Variants in GALNT9 observed in about 807,000 individuals in gnomAD.
GALNT9 encodes polypeptide N-acetylgalactosaminyltransferase 9.
Under a neutral mutation model 63.1 loss-of-function variants are expected in GALNT9, and 47 were observed. That is an observed-to-expected ratio of 0.75 (90% CI 0.59 to 0.95). The LOEUF (loss-of-function observed/expected upper bound fraction) is 0.95, where lower values mean the gene tolerates loss of function less well. GALNT9 is among the 40% of genes least tolerant of loss of function. The pLI is 0.00. For missense variants in GALNT9, 829 were observed against 874.8 expected, an observed-to-expected ratio of 0.95 and a Z score of 0.66; for synonymous variants, 396 against 365.7, an observed-to-expected ratio of 1.08 and a Z score of -0.94.
intron 2 of GALNT9, chr12:132,274,562 A>T (rs28665854): frequency 0.08 from 12,189 of 152,306 alleles, 1,592 homozygotes; most frequent in African/African-American, 0.28. Flanking sequence ...CTCGGGACCC[A>T]GAACTGTAGA....
rs1878097128 is a variant in GALNT9 at position 132,238,764 on chromosome 12, T to A, written c.1077+9146A>T. Among the ~76,000 whole-genome samples the A allele has an allele frequency of 6.6e-6, 1 of 152,206 alleles. No individual in the cohort carries two copies. The highest frequency in any genetic ancestry group is 2.4e-5 in the African/African-American group (1 of 41,454). The stretch of plus-strand genomic sequence containing the variant: ...ACAGCCTGATTCCTCCGCCCCCTCA[T>A]CTGCAGGCCACCCGCCCAGGGACGT... On this transcript the variant is annotated intron_variant, in intron 6 of 10. Coordinates refer to ENST00000328957, the MANE Select transcript of GALNT9 (RefSeq NM_001122636.2). This position sits in a 1 kb window ranked among gnomAD's most constrained non-coding sequence, Gnocchi z 6.5.
intron 2 of GALNT9, chr12:132,277,840 G>A (rs1225976851): frequency 1.3e-5 from 2 of 152,328 alleles, no homozygotes; most frequent in African/African-American, 4.8e-5. Context: ...CTGACGACCT[G>A]GCAGAGACCC....
Position 132,310,218 on chromosome 12 carries a change from C to T in GALNT9, c.238+18748G>A, listed in dbSNP as rs1555245059. Among the ~76,000 whole-genome samples the T allele has an allele frequency of 1.3e-5, 2 of 152,184 alleles. No homozygotes were observed. Among genetic ancestry groups the T allele is most frequent in the South Asian group, 2.1e-4 (1 of 4,836 alleles). On this transcript the variant is annotated intron_variant, in intron 1 of 10. Transcript: ENST00000328957. This position sits in a 1 kb window ranked among gnomAD's most constrained non-coding sequence, Gnocchi z 4.8. Reference sequence around the variant, plus strand: ...GAGCTGGGATTCACGTGGGGCTGGGCTTGTGAGGGTGCCACCAGCCCTCCA... The same window carrying T: ...GAGCTGGGATTCACGTGGGGCTGGGTTTGTGAGGGTGCCACCAGCCCTCCA...
chr12:132,203,449 G>A, intron 7 of GALNT9, 56 bp downstream of exon 7: 3 of 1,568,414 alleles, frequency 1.9e-6, no homozygotes. Context: ...GCCCTGCCGT[G>A]GCATTGACCC....
At chr12:132,325,123 C>T (rs1868982180) in intron 1 of GALNT9, among the ~76,000 whole-genome samples, 1 of 152,234 alleles carries the variant, frequency 6.6e-6, no homozygotes, top group African/African-American at 2.4e-5. Context: ...CTCAGGCCTC[C>T]CTGGGGGACA....
At chr12:132,322,938 C>T (rs1486854752) in intron 1 of GALNT9, among the ~76,000 whole-genome samples, 4 of 152,200 alleles carry the variant, frequency 2.6e-5, no homozygotes, top group African/African-American at 4.8e-5. Context: ...CCGTCCCGTA[C>T]GGGAAAGCCC....
chr12:132,254,980 C>T (rs924282770), intron 5 of GALNT9, among the ~76,000 whole-genome samples: 1 of 152,092 alleles, frequency 6.6e-6, no homozygotes, highest in Non-Finnish European at 1.5e-5. Flanking sequence ...CTAGAATCTT[C>T]CAATTTTCAA....
chr12:132,247,303 G>A (rs1356234385), intron 6 of GALNT9: 34 of 337,412 alleles, frequency 1.0e-4, no homozygotes, highest in Non-Finnish European at 1.8e-4. Context: ...GTCACCTGGG[G>A]GCAATTCATA....
At chr12:132,221,475 A>G (rs1167666734) in intron 6 of GALNT9, among the ~76,000 whole-genome samples, 1 of 150,870 alleles carries the variant, frequency 6.6e-6, no homozygotes, top group African/African-American at 2.4e-5. Flanking sequence ...CCTGGCCAAC[A>G]TGGTGAAACC....
chr12:132,248,036 C>A lies in GALNT9; in HGVS notation c.960-9G>T. ...CGATCATGGCTGGGGTCCTGGGAGG[C>A]AGAGACAGCGGCGTGAGGACCTCGC... On this transcript the variant is annotated splice_polypyrimidine_tract_variant and intron_variant, in intron 5 of 10. Transcript: ENST00000328957. 1 of 1,546,896 alleles carries A rather than the reference C, an allele frequency of 6.5e-7. No individual in the cohort carries two copies. The highest frequency in any genetic ancestry group is 8.7e-7 in the Non-Finnish European group (1 of 1,144,340).
intron 1 of GALNT9, among the ~76,000 whole-genome samples, chr12:132,298,170 T>G (rs868961095): frequency 3.5e-4 from 53 of 151,386 alleles, no homozygotes; most frequent in African/African-American, 1.3e-3. Flanking sequence ...AACCAACCCA[T>G]TATTCTGATA....
intron 5 of GALNT9, among the ~76,000 whole-genome samples, chr12:132,251,190 A>G (rs1878903855): frequency 6.6e-6 from 1 of 152,182 alleles, no homozygotes. Context: ...GATTATTTAC[A>G]TTTCTTTCAC....
rs1880240241 is a variant in GALNT9 at position 132,279,370 on chromosome 12, G to T, written c.419+6880C>A. On this transcript the variant is annotated intron_variant, in intron 2 of 10. Transcript: ENST00000328957. This position sits in a 1 kb window ranked among gnomAD's most constrained non-coding sequence, Gnocchi z 4.1. ...TCCAAAGTCCTCAGTGGGGACGGCT[G>T]GCTGCAGCTGTCAGACTTGGAGCGT... 6.6e-6 allele frequency: 1 copy of T among 152,324 alleles called. No homozygotes were observed. Among genetic ancestry groups the T allele is most frequent in the African/African-American group, 2.4e-5 (1 of 41,460 alleles). 9.4% of individuals were successfully genotyped at this position (152,324 alleles called of 1,614,324 possible).
At chr12:132,207,688 C>G (rs954916349) in intron 6 of GALNT9, among the ~76,000 whole-genome samples, 1 of 152,208 alleles carries the variant, frequency 6.6e-6, no homozygotes, top group Non-Finnish European at 1.5e-5. Context: ...CCTGTCACAG[C>G]CGGGGACTGG....
In GALNT9 at chr12:132,201,227, C is replaced by T; in HGVS notation, c.1298G>A (p.Arg433Lys). ...PGVDFGDVSE[R>K]LALRQRLKCR... ...CTTCAGCCTCTGACGCAGGGCCAGC[C>T]TCTCAGACACGTCCCCGAAGTCCAC... Residue 433 changes from arginine (R) to lysine (K), a missense_variant, in exon 8 of 11, where the codon AGG (arginine) becomes AAG (lysine). Coordinates refer to ENST00000328957, the MANE Select transcript of GALNT9 (RefSeq NM_001122636.2). 6.2e-7 allele frequency: 1 copy of T among 1,613,440 alleles called. No homozygotes were observed. The highest frequency in any genetic ancestry group is 8.5e-7 in the Non-Finnish European group (1 of 1,179,488).
intron 6 of GALNT9, among the ~76,000 whole-genome samples, chr12:132,213,968 A>G: frequency 6.6e-6 from 1 of 152,182 alleles, no homozygotes; most frequent in South Asian, 2.1e-4. Flanking sequence ...TCCCTGCAGC[A>G]TGAGTCCAGG....
chr12:132,229,537 GC>G (rs1388320309), intron 6 of GALNT9, among the ~76,000 whole-genome samples: 6 of 152,252 alleles, frequency 3.9e-5, no homozygotes, highest in African/African-American at 1.4e-4. Context: ...AGGCCCCAGG[GC>G]CACACTCGCA....
rs923639722 is a variant in GALNT9 at position 132,230,302 on chromosome 12, G to A, written c.1077+17608C>T. 7.9e-3 allele frequency among the ~76,000 whole-genome samples: 1,210 copies of A among 152,270 alleles called. 12 individuals are homozygous for A. The highest frequency in any genetic ancestry group is 0.027 in the African/African-American group (1,130 of 41,540). On this transcript the variant is annotated intron_variant, in intron 6 of 10. Transcript: ENST00000328957. ...CACACAGGACAGCATCCGCCTTCCC[G>A]AGTTCCTGACCCACAAGATTGTGAA...
At chr12:132,318,184 C>T (rs1202980277) in intron 1 of GALNT9, among the ~76,000 whole-genome samples, 2 of 152,158 alleles carry the variant, frequency 1.3e-5, no homozygotes, top group East Asian at 1.9e-4. Flanking sequence ...GGGGGTGAAA[C>T]CCTGCCTCGA....
Sources: gnomAD v4.1 joint callset for allele counts (sites outside exome capture counted in the v4.1 genomes callset) on GRCh38, gnomAD v4.1.1 for gene constraint, Gnocchi (gnomAD v3.1) non-coding constraint, MANE v1.5 for transcripts, NCBI Gene and HGNC (gene_info 2026-07-23, HGNC 2026-07-21) for gene names.